The following MTFR1 variants were observed in gnomAD, a reference collection of about 807,000 sequenced individuals.
MTFR1 encodes the protein chondrocyte protein with a poly-proline region.
A neutral mutation model predicts 38.8 loss-of-function variants in MTFR1; 28 were observed. That is an observed-to-expected ratio of 0.72 (90% CI 0.53 to 0.99). The LOEUF is 0.99. Ranked by LOEUF, MTFR1 falls within the 50% of genes least tolerant of loss-of-function variation. MTFR1 has a pLI of 0.00. For synonymous variants in MTFR1, 145 were observed against 137.0 expected (o/e 1.06, Z -0.41); for missense variants, 358 against 395.5 (o/e 0.91, Z 0.81).
At chr8:65,671,081 G>A (rs1285074173) in intron 2 of MTFR1, among the ~76,000 whole-genome samples, 2 of 152,062 alleles carry the variant, frequency 1.3e-5, no homozygotes, top group African/African-American at 4.8e-5. Context: ...GGTTACATCT[G>A]TTTTCTTCGG....
At chr8:65,774,522 G>A (rs879588470), downstream of MTFR1, among the ~76,000 whole-genome samples, 27 of 151,622 alleles carry the variant, frequency 1.8e-4, no homozygotes, top group Non-Finnish European at 3.4e-4. Context: ...GGAGTCTTTC[G>A]CACTCTTAAA....
At chr8:65,747,739 T>C (rs767853921) in intron 3 of MTFR1, 19 of 1,608,116 alleles carry the variant, frequency 1.2e-5, no homozygotes, top group Non-Finnish European at 1.6e-5. Context: ...ATCTAAGATA[T>C]CGCTGGAAAC....
chr8:65,711,700 A>T (rs896768697), downstream of MTFR1, among the ~76,000 whole-genome samples: 1 of 152,158 alleles, frequency 6.6e-6, no homozygotes, highest in African/African-American at 2.4e-5. Flanking sequence ...TCCTTTGAGG[A>T]TGGGATAATA....
chr8:65,724,152 A>C (rs1305133679), intron 3 of MTFR1: 1 of 660,522 alleles, frequency 1.5e-6, no homozygotes. Flanking sequence ...AAATGTCAAG[A>C]CTCTACTGCT....
At chr8:65,723,499 T>C (rs376162891) in intron 3 of MTFR1, 3 of 1,393,356 alleles carry the variant, frequency 2.2e-6, no homozygotes, top group Non-Finnish European at 1.9e-6. Context: ...ATAAAAACAG[T>C]GGCATTTTTC....
intron 1 of MTFR1, among the ~76,000 whole-genome samples, chr8:65,658,157 T>TA (rs1261515868): frequency 6.6e-6 from 1 of 152,226 alleles, no homozygotes; most frequent in African/African-American, 2.4e-5. Flanking sequence ...AAAATATAGT[T>TA]AAATGGCCAT....
At chr8:65,685,425 A>C (rs1259684288) in intron 3 of MTFR1, among the ~76,000 whole-genome samples, 1 of 152,220 alleles carries the variant, frequency 6.6e-6, no homozygotes, top group Non-Finnish European at 1.5e-5. Flanking sequence ...TTTGAATACC[A>C]ACTCTATTGG....
chr8:65,682,599 G>C, intron 3 of MTFR1, 148 bp downstream of exon 3: 1 of 627,284 alleles, frequency 1.6e-6, no homozygotes, highest in Non-Finnish European at 2.2e-6. Context: ...AAAAACCACA[G>C]TAAAGCCTTT....
chr8:65,656,714 T>G (rs866907850), intron 1 of MTFR1, among the ~76,000 whole-genome samples: 51 of 152,108 alleles, frequency 3.4e-4, no homozygotes, highest in Middle Eastern at 3.4e-3. Flanking sequence ...TTGGCCAGGC[T>G]GGTCTCAAAC....
chr8:65,746,371 C>A (rs1807677497), intron 3 of MTFR1, among the ~76,000 whole-genome samples: 1 of 152,054 alleles, frequency 6.6e-6, no homozygotes, highest in South Asian at 2.1e-4. Context: ...GACACTGATA[C>A]CACACCATGC....
rs899794669 is a variant in MTFR1, at chr8:65,723,482, C to T, written c.*48+4001C>T. 21 of 1,335,912 alleles carry T rather than the reference C, an allele frequency of 1.6e-5. 2 individuals are homozygous for T. The Admixed American group carries it at 4.2e-4, about 27-fold the overall frequency. The allele number at this position is 1,335,912 out of a possible 1,614,324, so 82.8% of individuals were successfully genotyped here. Reference sequence around the variant, plus strand: ...TATTTTATATTTCAAATATATTTCCCTTCTTGATAAAAACAGTGGCATTTT... The same window carrying T: ...TATTTTATATTTCAAATATATTTCCTTTCTTGATAAAAACAGTGGCATTTT... On this transcript the variant is annotated intron_variant, in intron 3 of 3. Transcript: ENST00000521247.
chr8:65,712,514 G>A (rs540675242), downstream of MTFR1, among the ~76,000 whole-genome samples: 13 of 152,286 alleles, frequency 8.5e-5, no homozygotes, highest in African/African-American at 2.6e-4. Flanking sequence ...TATATAAGTA[G>A]AAATTATCAA....
chr8:65,769,247 C>CA (rs61554087), intron 3 of MTFR1, among the ~76,000 whole-genome samples: 1,880 of 74,120 alleles, frequency 0.025, 51 homozygotes, highest in African/African-American at 0.054. Context: ...GACTCAGTCT[C>CA]AAAAAAAAAA....
At chr8:65,773,276 T>TA (rs969401589), downstream of MTFR1, among the ~76,000 whole-genome samples, 20 of 152,122 alleles carry the variant, frequency 1.3e-4, no homozygotes, top group African/African-American at 2.9e-4. Flanking sequence ...TTTTCTCTAT[T>TA]AAAAAAAACT....
intron 1 of MTFR1, among the ~76,000 whole-genome samples, chr8:65,664,212 C>T (rs887933538): frequency 6.6e-6 from 1 of 152,168 alleles, no homozygotes; most frequent in African/African-American, 2.4e-5. Context: ...TGAGCATTTA[C>T]GTGTACCTTG....
rs965837519 is a variant in MTFR1 at position 65,690,879 on chromosome 8, T to G, written c.166-2765T>G. ...TCTCTGCTAGGAGCCTCACAGGGCT[T>G]GGGGAACATTCCTGCTGAAGGATAG... On this transcript the variant is annotated intron_variant, in intron 3 of 7. Coordinates refer to ENST00000262146, the MANE Select transcript of MTFR1 (RefSeq NM_014637.4). Among the ~76,000 whole-genome samples the G allele has an allele frequency of 2.6e-5, 4 of 152,170 alleles. No individual in the cohort carries two copies. In the East Asian group the frequency reaches 7.7e-4, roughly 29 times the overall value.
intron 3 of MTFR1, among the ~76,000 whole-genome samples, chr8:65,769,258 A>AG (rs1808955580): frequency 6.6e-6 from 1 of 151,904 alleles, no homozygotes; most frequent in Non-Finnish European, 1.5e-5. Flanking sequence ...AAAAAAAAAA[A>AG]AAAAAAAAAA....
At position 65,732,802 on chromosome 8, in the gene MTFR1, C is replaced by T. The variant is rs117623152; in HGVS notation, c.*48+13321C>T. On this transcript the variant is annotated intron_variant, in intron 3 of 3. Transcript: ENST00000521247. ...TATTGAGATTACAGGCATGAGCCAC[C>T]GCACTTGGACCTACTTCAAATTTTT... 1.3e-3 allele frequency among the ~76,000 whole-genome samples: 197 copies of T among 152,302 alleles called. 5 individuals are homozygous for T. The East Asian group carries it at 0.032, about 25-fold the overall frequency.
chr8:65,763,124 G>C (rs1808595369), intron 3 of MTFR1, among the ~76,000 whole-genome samples: 1 of 151,864 alleles, frequency 6.6e-6, no homozygotes, highest in African/African-American at 2.4e-5. Context: ...TTAATGTTAT[G>C]TGTACAACCA....
Sources: gnomAD v4.1 joint callset for allele counts (sites outside exome capture counted in the v4.1 genomes callset) on GRCh38, gnomAD v4.1.1 for gene constraint, MANE v1.5 for transcripts, NCBI Gene and HGNC (gene_info 2026-07-23, HGNC 2026-07-21) for gene names.